Variants in DLC1 observed in about 807,000 individuals in gnomAD.
DLC1 encodes rho GTPase-activating protein 7.
In DLC1, 54 loss-of-function variants were observed where a neutral mutation model predicts 140.3. The observed-to-expected ratio is 0.38, with a 90% CI of 0.31 to 0.48. The LOEUF (loss-of-function observed/expected upper bound fraction) is 0.48. Among genes scored for constraint, DLC1 ranks in the 20% least tolerant of loss-of-function variants. DLC1 has a pLI of 0.96. For synonymous variants in DLC1, 986 were observed against 728.1 expected, an observed-to-expected ratio of 1.35 and a Z score of -5.70; for missense variants, 2,536 against 1,907.0, an observed-to-expected ratio of 1.33 and a Z score of -6.14.
chr8:13,099,677 A>G lies in DLC1; in HGVS notation c.2660T>C (p.Leu887Pro). 1.2e-6 allele frequency: 2 copies of G among 1,614,156 alleles called. No individual in the cohort carries two copies. The highest frequency in any genetic ancestry group is 2.2e-5 in the South Asian group (2 of 91,074). The change falls in exon 9 of 18, where the codon CTC (leucine) becomes CCC (proline). Residue 887 changes from leucine to proline, a missense_variant. Coordinates refer to ENST00000276297, the MANE Select transcript of DLC1 (RefSeq NM_182643.3). ...CGCCAGGTCCCCTGAACTGGAGTAG[A>G]GGATGGAGCCCGGCACGTTGTCGTA... is the stretch of plus-strand genomic sequence containing the variant. ...SIYDNVPGSILYSSSGDLADL... is the reference protein window; with the variant it reads ...SIYDNVPGSIPYSSSGDLADL...
chr8:13,163,560 G>A (rs558015660), intron 5 of DLC1, among the ~76,000 whole-genome samples: 149 of 152,132 alleles, frequency 9.8e-4, no homozygotes, highest in Non-Finnish European at 1.6e-3. Flanking sequence ...GGGATGGGAA[G>A]AGAACGAGTA....
chr8:13,593,676 G>T (rs1805592928), intron 1 of DLC1, among the ~76,000 whole-genome samples: 1 of 152,050 alleles, frequency 6.6e-6, no homozygotes, highest in African/African-American at 2.4e-5. Flanking sequence ...TACAGAATTG[G>T]TACCTAAAAG....
chr8:13,421,325 C>G (rs1473483336), intron 2 of DLC1, among the ~76,000 whole-genome samples: 1 of 152,022 alleles, frequency 6.6e-6, no homozygotes, highest in East Asian at 1.9e-4. Context: ...TCTCTGCAAC[C>G]CCTAAAGTAC....
At chr8:13,600,235 T>C (rs750538412) in intron 1 of DLC1, among the ~76,000 whole-genome samples, 3 of 151,960 alleles carry the variant, frequency 2.0e-5, no homozygotes, top group South Asian at 4.1e-4. Flanking sequence ...GTTTCTCAGA[T>C]AGTCTTTTAT....
At chr8:13,382,309 C>T (rs1836302656) in intron 4 of DLC1, among the ~76,000 whole-genome samples, 1 of 151,258 alleles carries the variant, frequency 6.6e-6, no homozygotes, top group Non-Finnish European at 1.5e-5. Flanking sequence ...AGATCGAGAC[C>T]ATCCTGGCTA....
chr8:13,194,177 C>A (rs1445146473), intron 5 of DLC1, among the ~76,000 whole-genome samples: 1 of 152,104 alleles, frequency 6.6e-6, no homozygotes, highest in South Asian at 2.1e-4. Flanking sequence ...TATCAAATGC[C>A]ACATTTTTCC....
At chr8:13,603,246 A>G (rs1376257215) in intron 1 of DLC1, among the ~76,000 whole-genome samples, 3 of 151,886 alleles carry the variant, frequency 2.0e-5, no homozygotes, top group African/African-American at 7.2e-5. Context: ...TATGATTAAT[A>G]TCAGTTCATT....
At chr8:13,298,749 A>C (rs1161990200) in intron 5 of DLC1, among the ~76,000 whole-genome samples, 5 of 152,206 alleles carry the variant, frequency 3.3e-5, no homozygotes, top group Admixed American at 2.6e-4. Context: ...GGATAAAAAT[A>C]ACCTGTTAGG....
At chr8:13,221,893 T>TAC (rs1491514573) in intron 5 of DLC1, among the ~76,000 whole-genome samples, 1 of 143,294 alleles carries the variant, frequency 7.0e-6, no homozygotes, top group Non-Finnish European at 1.5e-5. Flanking sequence ...AATATATAAT[T>TAC]ATATATTAAA....
chr8:13,347,912 A>T (rs912480760), intron 4 of DLC1, among the ~76,000 whole-genome samples: 2 of 152,056 alleles, frequency 1.3e-5, no homozygotes, highest in African/African-American at 4.8e-5. Flanking sequence ...ACACAGTGAA[A>T]CCCCATCTCT....
chr8:13,453,494 ATATATATG>A (rs1190051402), intron 2 of DLC1, among the ~76,000 whole-genome samples: 1 of 32,608 alleles, frequency 3.1e-5, no homozygotes, highest in Non-Finnish European at 5.4e-5. Context: ...ATATATACAT[ATATATATG>A]TATATATATA....
intron 1 of DLC1, among the ~76,000 whole-genome samples, chr8:13,572,755 G>T (rs1338549102): frequency 1.3e-5 from 2 of 152,032 alleles, no homozygotes; most frequent in Admixed American, 6.6e-5. Flanking sequence ...CCCATTGAAT[G>T]GTCTTAGCAC....
At chr8:13,553,995 T>C (rs993530894) in intron 1 of DLC1, among the ~76,000 whole-genome samples, 3 of 152,120 alleles carry the variant, frequency 2.0e-5, no homozygotes, top group African/African-American at 7.2e-5. Flanking sequence ...CGGGACTTCT[T>C]GTTTTTCTAA....
chr8:13,380,504 C>T (rs187329559), intron 4 of DLC1, among the ~76,000 whole-genome samples: 1 of 152,250 alleles, frequency 6.6e-6, no homozygotes, highest in African/African-American at 2.4e-5. Context: ...ATTAAGGAAC[C>T]AAAGGGTGGT....
At chr8:13,591,528 C>A (rs1266452786) in intron 1 of DLC1, among the ~76,000 whole-genome samples, 2 of 152,106 alleles carry the variant, frequency 1.3e-5, no homozygotes, top group African/African-American at 4.8e-5. Context: ...CCATGCAGAA[C>A]CGTGAGTCAA....
In DLC1 at chr8:13,419,558, G is replaced by A. The variant is rs148345847; in HGVS notation, c.1024-17939C>T. 9.8e-3 allele frequency among the ~76,000 whole-genome samples: 1,499 copies of A among 152,304 alleles called. 12 individuals carry two copies. Among genetic ancestry groups the A allele is most frequent in the Non-Finnish European group, 0.017 (1,177 of 68,024 alleles). On this transcript the variant is annotated intron_variant, in intron 2 of 17. Coordinates refer to ENST00000276297, the MANE Select transcript of DLC1 (RefSeq NM_182643.3). ...TTGAACCACCTGGCATCCCAGGGAT[G>A]AAGCCCATTTGATCATGGTGGATAA...
chr8:13,297,430 A>G (rs987190933), intron 5 of DLC1, among the ~76,000 whole-genome samples: 2 of 151,954 alleles, frequency 1.3e-5, no homozygotes, highest in African/African-American at 4.8e-5. Flanking sequence ...ACGTCTTGCT[A>G]AACCCCATAA....
intron 4 of DLC1, among the ~76,000 whole-genome samples, chr8:13,337,283 GA>G (rs1327781619): frequency 6.6e-6 from 1 of 152,064 alleles, no homozygotes; most frequent in Non-Finnish European, 1.5e-5. Flanking sequence ...AGTTAGTAAA[GA>G]TATTTCTGAT....
chr8:13,422,402 C>CA (rs1838357083), intron 2 of DLC1, among the ~76,000 whole-genome samples: 2 of 145,662 alleles, frequency 1.4e-5, no homozygotes, highest in Non-Finnish European at 3.0e-5. Context: ...TCAGAGATTG[C>CA]TTTTTTTTTT....
Sources: gnomAD v4.1 joint callset for allele counts (sites outside exome capture counted in the v4.1 genomes callset) on GRCh38, gnomAD v4.1.1 for gene constraint, MANE v1.5 for transcripts, NCBI Gene and HGNC (gene_info 2026-07-23, HGNC 2026-07-21) for gene names.